The following VRK2 variants were observed in gnomAD, a reference collection of about 807,000 sequenced individuals.
The protein encoded by VRK2 is VRK serine/threonine kinase 2.
A neutral mutation model predicts 57.6 loss-of-function variants in VRK2; 60 were observed. The ratio of observed to expected loss-of-function variants is 1.04; its 90% CI spans 0.85 to 1.29. VRK2 has a LOEUF of 1.29. Among genes scored for constraint, VRK2 ranks in the 50% most tolerant of loss-of-function variants. The pLI is 0.00. For missense variants in VRK2, 705 were observed against 588.1 expected (o/e 1.20, Z -2.06); for synonymous variants, 231 against 199.2 (o/e 1.16, Z -1.35).
chr2:58,047,236 G>C (rs1674938824), intron 1 of VRK2: 3 of 282,454 alleles, frequency 1.1e-5, no homozygotes, highest in Non-Finnish European at 1.6e-5. Flanking sequence ...CGGACCAGGC[G>C]GCTGGGCCGC....
Position 58,046,886 on chromosome 2 carries a change from G to C in VRK2, c.-6+18G>C. 6 of 985,388 alleles carry C rather than the reference G, an allele frequency of 6.1e-6. No homozygotes were observed. Among genetic ancestry groups the C allele is most frequent in the Non-Finnish European group, 7.2e-6 (6 of 829,850 alleles). 61.0% of individuals were successfully genotyped at this position (985,388 alleles called of 1,614,324 possible). On this transcript the variant is annotated intron_variant, in intron 1 of 12. Coordinates refer to ENST00000340157, the MANE Select transcript of VRK2 (RefSeq NM_006296.7). ...GAGGCCCGGTCAGTCTCTTGCTCTG[G>C]GGTCTTGGGTGGCGGGCGGCACCTC...
chr2:57,963,526 TA>T (rs1467679826), intron 1 of VRK2, among the ~76,000 whole-genome samples: 1 of 152,148 alleles, frequency 6.6e-6, no homozygotes, highest in African/African-American at 2.4e-5. Context: ...ATAGGATTTT[TA>T]AAAAAAATTC....
chr2:58,048,773 TTTTG>T (rs896278849), intron 1 of VRK2, 50 bp from the exon 2 acceptor site: 16 of 1,586,710 alleles, frequency 1.0e-5, no homozygotes, highest in South Asian at 8.0e-5. Context: ...ATTTTAAGAG[TTTTG>T]TTTGTTTGTT....
At chr2:57,980,149 T>C (rs1672377672) in intron 1 of VRK2, among the ~76,000 whole-genome samples, 1 of 152,174 alleles carries the variant, frequency 6.6e-6, no homozygotes, top group East Asian at 1.9e-4. Context: ...GAGACCTTTC[T>C]AACTTCTTGA....
intron 1 of VRK2, among the ~76,000 whole-genome samples, chr2:57,967,368 TATA>T (rs750621854): frequency 1.5e-4 from 22 of 151,212 alleles, no homozygotes; most frequent in Non-Finnish European, 2.2e-4. Context: ...GAACTTAAAG[TATA>T]ATAATAATAA....
chr2:57,966,420 T>C (rs1671918787), intron 1 of VRK2, among the ~76,000 whole-genome samples: 1 of 152,192 alleles, frequency 6.6e-6, no homozygotes, highest in African/African-American at 2.4e-5. Flanking sequence ...ATATAGGTAA[T>C]AAGCTGTTAT....
At chr2:58,113,035 G>A (rs1051321963) in intron 7 of VRK2, among the ~76,000 whole-genome samples, 1 of 152,140 alleles carries the variant, frequency 6.6e-6, no homozygotes, top group African/African-American at 2.4e-5. Flanking sequence ...TCTAGGCCAG[G>A]CACAGTGGCT....
intron 12 of VRK2, among the ~76,000 whole-genome samples, chr2:58,147,599 C>G (rs762021735): frequency 9.9e-5 from 15 of 151,724 alleles, no homozygotes; most frequent in Non-Finnish European, 1.9e-4. Flanking sequence ...TCCTTTTTGG[C>G]TGTGGTGGCA....
In VRK2 at chr2:58,054,203, C is replaced by A. The variant is rs1676173985; in HGVS notation, c.136+5236C>A. Among the ~76,000 whole-genome samples, 6 of 152,028 alleles carry A rather than the reference C, an allele frequency of 3.9e-5. No homozygotes were observed. The South Asian group carries it at 1.2e-3, about 32-fold the overall frequency. On this transcript the variant is annotated intron_variant, in intron 2 of 12. Transcript: ENST00000340157. ...AGACTTGGCTTTTGCTTGGCTTTTT[C>A]ATTTTTTTAAATATCCATTTTTAAG...
At chr2:57,959,867 T>C (rs1045236508) in intron 1 of VRK2, among the ~76,000 whole-genome samples, 5 of 152,114 alleles carry the variant, frequency 3.3e-5, no homozygotes, top group Admixed American at 1.3e-4. Flanking sequence ...GTGTTCCTCA[T>C]GTCCTGAAGA....
In VRK2 at chr2:57,974,952, G is replaced by T. The variant is rs189333872; in HGVS notation, c.-438-50713G>T. On this transcript the variant is annotated intron_variant, in intron 1 of 15. Coordinates refer to the VRK2 transcript ENST00000417641. ...AGAATTGATCATCTCATAGGTTTGA[G>T]AGATCAGGTAGGCTATACAAATTGA... Among the ~76,000 whole-genome samples the T allele has an allele frequency of 8.6e-5, 13 of 151,888 alleles. No homozygotes were observed. In the East Asian group the frequency reaches 1.9e-3, roughly 23 times the overall value.
At chr2:58,079,902 A>G (rs893647) in intron 2 of VRK2, among the ~76,000 whole-genome samples, 142,332 of 151,854 alleles carry the variant, frequency 0.94, 66,790 homozygotes, top group African/African-American at 0.98. Flanking sequence ...TATTTATGTC[A>G]TCATTTTTCT....
chr2:58,028,817 A>T (rs966539341), intron 2 of VRK2, among the ~76,000 whole-genome samples: 1 of 148,688 alleles, frequency 6.7e-6, no homozygotes, highest in African/African-American at 2.5e-5. Context: ...GCACACCAAC[A>T]TGGCACATGT....
intron 2 of VRK2, among the ~76,000 whole-genome samples, chr2:58,083,505 T>C (rs1298857995): frequency 6.6e-6 from 1 of 151,840 alleles, no homozygotes; most frequent in African/African-American, 2.4e-5. Context: ...TTATGAGATA[T>C]GTATTCTTTA....
At chr2:58,008,310 G>A (rs1518401) in intron 1 of VRK2, among the ~76,000 whole-genome samples, 54,676 of 151,746 alleles carry the variant, frequency 0.36, 15,666 homozygotes, top group African/African-American at 0.8. Context: ...AAAATACATA[G>A]TATCAAATTT....
chr2:57,998,333 C>T (rs897269773), intron 1 of VRK2, among the ~76,000 whole-genome samples: 1 of 152,158 alleles, frequency 6.6e-6, no homozygotes, highest in Non-Finnish European at 1.5e-5. Context: ...ATATCTAATA[C>T]AATCAATCAA....
At chr2:58,096,419 CTT>C (rs2104301213) in intron 7 of VRK2, among the ~76,000 whole-genome samples, 1 of 152,020 alleles carries the variant, frequency 6.6e-6, no homozygotes, top group Admixed American at 6.5e-5. Flanking sequence ...TGATTCTCTA[CTT>C]TTTTCAGAAA....
At chr2:58,085,827 T>C (rs548206062) in intron 4 of VRK2, among the ~76,000 whole-genome samples, 10 of 151,874 alleles carry the variant, frequency 6.6e-5, no homozygotes, top group African/African-American at 2.4e-4. Context: ...AAGTTAACTT[T>C]ATTTAAGTGG....
intron 7 of VRK2, among the ~76,000 whole-genome samples, chr2:58,111,043 TACACCTCA>T (rs1284950668): frequency 6.6e-6 from 1 of 152,148 alleles, no homozygotes; most frequent in Non-Finnish European, 1.5e-5. Flanking sequence ...TTGATGGGAT[TACACCTCA>T]GTGGCTGCAA....
Sources: gnomAD v4.1 joint callset for allele counts (sites outside exome capture counted in the v4.1 genomes callset) on GRCh38, gnomAD v4.1.1 for gene constraint, MANE v1.5 for transcripts, NCBI Gene and HGNC (gene_info 2026-07-23, HGNC 2026-07-21) for gene names.